Variants in PSTPIP2 observed in about 807,000 individuals in gnomAD.
PSTPIP2 encodes proline-serine-threonine phosphatase interacting protein 2.
A neutral mutation model predicts 63.3 loss-of-function variants in PSTPIP2; 33 were observed. The observed-to-expected ratio is 0.52, with a 90% CI of 0.40 to 0.70. The LOEUF (loss-of-function observed/expected upper bound fraction) is 0.70. Ranked by LOEUF, PSTPIP2 falls within the 30% of genes least tolerant of loss-of-function variation. PSTPIP2 has a pLI of 0.00. For missense variants in PSTPIP2, 312 were observed against 400.7 expected, an observed-to-expected ratio of 0.78 and a Z score of 1.89; for synonymous variants, 125 against 132.7, an observed-to-expected ratio of 0.94 and a Z score of 0.40.
chr18:46,025,776 A>G (rs1333266490), intron 2 of PSTPIP2, among the ~76,000 whole-genome samples: 8 of 152,144 alleles, frequency 5.3e-5, no homozygotes, highest in Admixed American at 5.2e-4. Context: ...GGCATCTCTG[A>G]GAGTGTCTCA....
chr18:46,035,518 A>C (rs775173066), intron 2 of PSTPIP2, among the ~76,000 whole-genome samples: 1 of 152,074 alleles, frequency 6.6e-6, no homozygotes, highest in Non-Finnish European at 1.5e-5. Flanking sequence ...GGCATCAGGG[A>C]AAAAGGAGGA....
At chr18:45,988,809 T>C (rs1351722098) in intron 13 of PSTPIP2, 50 bp from the exon 14 acceptor site, 1 of 1,437,896 alleles carries the variant, frequency 7.0e-7, no homozygotes, top group African/African-American at 1.4e-5. Context: ...TTTTTCATAA[T>C]AAGATCTCAC....
At chr18:46,052,779 T>G (rs1248687801) in intron 1 of PSTPIP2, among the ~76,000 whole-genome samples, 1 of 152,218 alleles carries the variant, frequency 6.6e-6, no homozygotes, top group East Asian at 1.9e-4. Flanking sequence ...TCAGTGTTCA[T>G]TATCGATGAA....
At chr18:46,023,739 C>T (rs890290713) in intron 3 of PSTPIP2, among the ~76,000 whole-genome samples, 1 of 151,898 alleles carries the variant, frequency 6.6e-6, no homozygotes, top group Non-Finnish European at 1.5e-5. Context: ...CTGCTATCAA[C>T]ACTTGCAGAG....
chr18:46,029,312 G>A (rs879241087), intron 2 of PSTPIP2: 10 of 1,532,360 alleles, frequency 6.5e-6, no homozygotes, highest in African/African-American at 2.7e-5. Flanking sequence ...ATTTGCTATC[G>A]ATGAAGACCA....
chr18:46,013,076 A>G (rs1008369865), intron 4 of PSTPIP2, among the ~76,000 whole-genome samples: 2 of 151,168 alleles, frequency 1.3e-5, no homozygotes, highest in Non-Finnish European at 3.0e-5. Flanking sequence ...TTTTTAAGAT[A>G]AATATATATA....
At chr18:45,991,756 TA>T in intron 12 of PSTPIP2, 145 bp downstream of exon 12, 2 of 745,940 alleles carry the variant, frequency 2.7e-6, no homozygotes, top group Middle Eastern at 4.0e-4. Flanking sequence ...ATATTTGTCC[TA>T]AAAATACTAT....
chr18:46,045,730 A>T (rs1908361868), intron 1 of PSTPIP2, among the ~76,000 whole-genome samples: 1 of 152,206 alleles, frequency 6.6e-6, no homozygotes, highest in Admixed American at 6.5e-5. Context: ...CAAAAGAAAA[A>T]AACATTTTTT....
intron 5 of PSTPIP2, among the ~76,000 whole-genome samples, chr18:46,008,277 T>G (rs1210572058): frequency 6.6e-6 from 1 of 152,056 alleles, no homozygotes. Context: ...CATGGCCCGT[T>G]TTTCTCTCTA....
intron 6 of PSTPIP2, among the ~76,000 whole-genome samples, chr18:46,002,514 C>G (rs766236735): frequency 6.6e-6 from 1 of 152,152 alleles, no homozygotes; most frequent in Non-Finnish European, 1.5e-5. Flanking sequence ...CTTCCATTCT[C>G]TTCTTAAGCC....
intron 12 of PSTPIP2, 88 bp downstream of exon 12, chr18:45,991,814 G>C (rs2051536677): frequency 1.5e-6 from 2 of 1,294,102 alleles, no homozygotes; most frequent in Non-Finnish European, 1.1e-6. Flanking sequence ...TAGTAGATAT[G>C]TTCCAATTCT....
intron 6 of PSTPIP2, among the ~76,000 whole-genome samples, chr18:46,000,293 T>A (rs1174335976): frequency 6.6e-6 from 1 of 152,202 alleles, no homozygotes; most frequent in African/African-American, 2.4e-5. Flanking sequence ...GAGGCCTCAA[T>A]ATTCACCACA....
At chr18:46,062,006 G>T (rs182085451) in intron 1 of PSTPIP2, among the ~76,000 whole-genome samples, 140 of 152,272 alleles carry the variant, frequency 9.2e-4, no homozygotes, top group Non-Finnish European at 1.8e-3. Flanking sequence ...CAGAGACCAA[G>T]CACTATAGGG....
At chr18:46,029,841 G>A (rs564246980) in intron 2 of PSTPIP2, 8 of 411,988 alleles carry the variant, frequency 1.9e-5, no homozygotes, top group Admixed American at 6.5e-5. Flanking sequence ...CCGGCTGGGC[G>A]CGGTGGCTCA....
rs146795309 is a variant in PSTPIP2 at position 46,021,716 on chromosome 18, C to T, written c.212+2893G>A. ...ATCCCAGCACTTTGGGAGGCCAAGGCGGATGGATCACTTGAGGTCAGGAGT... is the reference window on the plus strand; with the variant it reads ...ATCCCAGCACTTTGGGAGGCCAAGGTGGATGGATCACTTGAGGTCAGGAGT... On this transcript the variant is annotated intron_variant, in intron 3 of 14. Transcript: ENST00000409746. 6.0e-3 allele frequency among the ~76,000 whole-genome samples: 902 copies of T among 151,580 alleles called. 13 individuals are homozygous for T. Among genetic ancestry groups the T allele is most frequent in the Admixed American group, 0.03 (461 of 15,222 alleles).
At chr18:46,037,911 T>C (rs1361468361) in intron 2 of PSTPIP2, among the ~76,000 whole-genome samples, 2 of 152,218 alleles carry the variant, frequency 1.3e-5, no homozygotes, top group African/African-American at 4.8e-5. Flanking sequence ...ATCAACAATT[T>C]TTATTCTCCA....
Position 45,991,905 on chromosome 18 carries a change from G to A in PSTPIP2, c.917C>T (p.Ala306Val). ...ATGAAAGGCAGCTGGTTATTACCTT[G>A]CCAAGTTAGGCCCTGTAGCCTTTCC... ...PAGKATGPNLARRGPLPIPKS... is the reference protein window; with the variant it reads ...PAGKATGPNLVRRGPLPIPKS... Residue 306 changes from alanine (A) to valine (V), a missense_variant, in exon 12 of 15, where the codon GCA (alanine) becomes GTA (valine). Physicochemically the swap from Ala to Val is moderately conservative, Grantham distance 64. Coordinates refer to ENST00000409746, the MANE Select transcript of PSTPIP2 (RefSeq NM_024430.4). 1 of 1,604,194 alleles carries A rather than the reference G, an allele frequency of 6.2e-7. No individual in the cohort carries two copies. The highest frequency in any genetic ancestry group is 8.5e-7 in the Non-Finnish European group (1 of 1,172,432).
intron 1 of PSTPIP2, among the ~76,000 whole-genome samples, chr18:46,069,656 T>C (rs972172223): frequency 6.6e-6 from 1 of 152,248 alleles, no homozygotes; most frequent in Non-Finnish European, 1.5e-5. Flanking sequence ...TCATGAAGCA[T>C]TTAAATACAT....
intron 5 of PSTPIP2, among the ~76,000 whole-genome samples, chr18:46,006,722 G>A (rs1457260751): frequency 6.6e-6 from 1 of 152,100 alleles, no homozygotes; most frequent in East Asian, 1.9e-4. Context: ...TGCCTCGCTT[G>A]GGAGTAAATT....
Sources: allele counts gnomAD v4.1 joint callset (sites outside exome capture counted in the v4.1 genomes callset), GRCh38; gene constraint gnomAD v4.1.1; transcripts MANE v1.5; gene names NCBI Gene and HGNC (gene_info 2026-07-23, HGNC 2026-07-21).